ADAMTSL3: variants seen among roughly 807,000 people sequenced by gnomAD.
The protein encoded by ADAMTSL3 is ADAMTS like 3.
Under a neutral mutation model 201.7 loss-of-function variants are expected in ADAMTSL3, and 128 were observed. The observed-to-expected ratio is 0.63, with a 90% confidence interval of 0.55 to 0.73. ADAMTSL3 has a LOEUF of 0.73. Among genes scored for constraint, ADAMTSL3 ranks in the 30% least tolerant of loss-of-function variants. The pLI, the probability that ADAMTSL3 is intolerant of heterozygous loss-of-function variation, is 0.00. For synonymous variants in ADAMTSL3, 738 were observed against 748.4 expected (o/e 0.99, Z 0.23); for missense variants, 1,990 against 2,119.6 (o/e 0.94, Z 1.20).
intron 3 of ADAMTSL3, among the ~76,000 whole-genome samples, chr15:83,763,566 A>G (rs530145277): frequency 9.7e-4 from 144 of 148,078 alleles, no homozygotes; most frequent in Non-Finnish European, 1.8e-3. Flanking sequence ...GTGCAATGGC[A>G]CGATCTCGGC....
At chr15:83,826,634 A>C (rs970101827) in intron 6 of ADAMTSL3, among the ~76,000 whole-genome samples, 2 of 149,504 alleles carry the variant, frequency 1.3e-5, no homozygotes, top group Non-Finnish European at 3.0e-5. Context: ...TACATTAGGT[A>C]TATCTCCTAA....
At chr15:83,668,801 T>C (rs1003225250) in intron 2 of ADAMTSL3, among the ~76,000 whole-genome samples, 4 of 152,254 alleles carry the variant, frequency 2.6e-5, no homozygotes, top group African/African-American at 9.6e-5. Flanking sequence ...CATTCTGTTC[T>C]GATGGGTATT....
At chr15:83,771,438 C>G (rs979864362) in intron 3 of ADAMTSL3, among the ~76,000 whole-genome samples, 2 of 152,172 alleles carry the variant, frequency 1.3e-5, no homozygotes, top group African/African-American at 2.4e-5. Context: ...GACAGTAACT[C>G]TTCATTTCCT....
At chr15:83,971,917 T>TTA (rs1442533931) in intron 20 of ADAMTSL3, among the ~76,000 whole-genome samples, 1 of 148,186 alleles carries the variant, frequency 6.7e-6, no homozygotes, top group Non-Finnish European at 1.5e-5. Flanking sequence ...TATATATATG[T>TTA]TATATATATA....
At chr15:83,815,244 A>G (rs1024526969) in intron 5 of ADAMTSL3, among the ~76,000 whole-genome samples, 4 of 152,216 alleles carry the variant, frequency 2.6e-5, no homozygotes, top group East Asian at 1.9e-4. Flanking sequence ...CATCTAATCA[A>G]TTGTACAACT....
At chr15:84,022,509 G>A (rs12905952) in intron 26 of ADAMTSL3, among the ~76,000 whole-genome samples, 24,887 of 152,188 alleles carry the variant, frequency 0.16, 2,659 homozygotes, top group Middle Eastern at 0.35. Flanking sequence ...TTTTAAATAA[G>A]CTGTAATCCT....
Position 84,016,482 on chromosome 15 carries a change from G to C in ADAMTSL3, c.4256G>C (p.Gly1419Ala). ...NTRTNSNDPT[G>A]EPPPQEPFWE... is the part of the protein sequence containing the mutation. Reference sequence around the variant, plus strand: ...AGAACCAACAGCAATGACCCAACAGGAGAACCCCCGCCTCAAGGTCTGGGA... The same window carrying C: ...AGAACCAACAGCAATGACCCAACAGCAGAACCCCCGCCTCAAGGTCTGGGA... The change falls in exon 25 of 30, where the codon GGA becomes GCA. Residue 1419 changes from glycine (G) to alanine (A), a missense_variant. Transcript: ENST00000286744. The C allele has an allele frequency of 1.9e-6, 3 of 1,613,608 alleles. No homozygotes were observed. The South Asian group carries it at 3.3e-5, about 18-fold the overall frequency.
At position 83,982,415 on chromosome 15, in the gene ADAMTSL3, C is replaced by T. The variant is rs201695656; in HGVS notation, c.2787C>T (p.Ser929=). 8.1e-6 allele frequency: 13 copies of T among 1,613,972 alleles called. No individual in the cohort carries two copies. The highest frequency in any genetic ancestry group is 5.3e-5 in the African/African-American group (4 of 74,872). The part of the protein sequence containing the change: ...GSRAYLLPNT[S]VIIKCPVRRF... ...GAGCCTATTTGCTGCCCAACACATC[C>T]GTGATTATTAAGTGCCCCGTGCGAC... is the stretch of plus-strand genomic sequence containing the variant. Residue 929 remains serine (S), a synonymous_variant, in exon 21 of 30, where the codon TCC becomes TCT. Transcript: ENST00000286744.
chr15:83,823,802 T>C (rs1327507468), intron 6 of ADAMTSL3, among the ~76,000 whole-genome samples: 2 of 152,206 alleles, frequency 1.3e-5, no homozygotes, highest in Admixed American at 1.3e-4. Context: ...AATGATGAAA[T>C]TGAGGATTCT....
chr15:83,804,699 A>C lies in ADAMTSL3; in HGVS notation c.363+4A>C, dbSNP rs1423950195. 3.8e-6 allele frequency: 6 copies of C among 1,578,694 alleles called. No homozygotes were observed. The highest frequency in any genetic ancestry group is 1.7e-4 in the Middle Eastern group (1 of 5,950). On this transcript the variant is annotated splice_donor_region_variant and intron_variant, in intron 5 of 29. Coordinates refer to ENST00000286744, the MANE Select transcript of ADAMTSL3 (RefSeq NM_207517.3). ...GTACAAGACATGCAGCAATCATGTA[A>C]GTCATAAAATAAAATTATTTTATCC...
At chr15:83,673,338 C>T (rs1417621495) in intron 2 of ADAMTSL3, among the ~76,000 whole-genome samples, 1 of 152,218 alleles carries the variant, frequency 6.6e-6, no homozygotes, top group Non-Finnish European at 1.5e-5. Flanking sequence ...AATAGACAGG[C>T]ACACATACAT....
intron 3 of ADAMTSL3, 65 bp from the exon 4 acceptor site, chr15:83,773,458 C>G (rs1206154942): frequency 1.3e-6 from 2 of 1,539,078 alleles, no homozygotes; most frequent in Non-Finnish European, 8.8e-7. Context: ...TGGGATATTT[C>G]TACCACATTT....
chr15:83,896,727 C>T (rs926042609), intron 13 of ADAMTSL3, among the ~76,000 whole-genome samples: 2 of 152,028 alleles, frequency 1.3e-5, no homozygotes, highest in Non-Finnish European at 2.9e-5. Context: ...TACATATATA[C>T]ACTCCCCAAC....
At chr15:83,940,748 A>G (rs1398426193) in intron 17 of ADAMTSL3, among the ~76,000 whole-genome samples, 1 of 152,172 alleles carries the variant, frequency 6.6e-6, no homozygotes, top group African/African-American at 2.4e-5. Flanking sequence ...ACCACATGCA[A>G]AAGTTTGCTT....
chr15:83,860,601 C>G (rs1402458950), intron 8 of ADAMTSL3, among the ~76,000 whole-genome samples: 1 of 152,022 alleles, frequency 6.6e-6, no homozygotes, highest in African/African-American at 2.4e-5. Context: ...AGGCCATTCC[C>G]CAAAATTCAG....
intron 25 of ADAMTSL3, among the ~76,000 whole-genome samples, chr15:84,018,605 C>A (rs1315591432): frequency 6.6e-6 from 1 of 152,038 alleles, no homozygotes; most frequent in African/African-American, 2.4e-5. Context: ...GAGAAAGAAG[C>A]AAAGACCATA....
chr15:83,857,056 T>A (rs2141767974), intron 7 of ADAMTSL3, among the ~76,000 whole-genome samples: 1 of 152,282 alleles, frequency 6.6e-6, no homozygotes, highest in Non-Finnish European at 1.5e-5. Flanking sequence ...TGGTTTTGAT[T>A]TTCAATTCCC....
chr15:83,897,726 CATA>C (rs2065645564), intron 13 of ADAMTSL3, 129 bp from the exon 14 acceptor site: 1 of 1,036,718 alleles, frequency 9.6e-7, no homozygotes, highest in South Asian at 2.5e-5. Flanking sequence ...CCCTTCCTTA[CATA>C]ATATTTGTCT....
intron 2 of ADAMTSL3, among the ~76,000 whole-genome samples, chr15:83,677,242 T>A: frequency 6.6e-6 from 1 of 152,212 alleles, no homozygotes; most frequent in East Asian, 1.9e-4. Context: ...AAAAAATGTG[T>A]ATTCTGCTGT....
Sources: gnomAD v4.1 joint callset for allele counts (sites outside exome capture counted in the v4.1 genomes callset) on GRCh38, gnomAD v4.1.1 for gene constraint, MANE v1.5 for transcripts, NCBI Gene and HGNC (gene_info 2026-07-23, HGNC 2026-07-21) for gene names.